C9orf85: variants seen among roughly 807,000 people sequenced by gnomAD.
C9orf85 encodes uncharacterized protein C9orf85.
A neutral mutation model predicts 14.9 loss-of-function variants in C9orf85; 16 were observed. That is an observed-to-expected ratio of 1.08 (90% confidence interval 0.73 to 1.63). The LOEUF (loss-of-function observed/expected upper bound fraction) is 1.63, where lower values mean the gene tolerates loss of function less well. C9orf85 is among the 40% of genes most tolerant of loss of function. The pLI, the probability that C9orf85 is intolerant of heterozygous loss-of-function variation, is 0.00. For synonymous variants in C9orf85, 45 were observed against 56.8 expected (o/e 0.79, Z 0.93); for missense variants, 172 against 186.1 (o/e 0.92, Z 0.44).
rs1053781771 is a variant in C9orf85 at position 71,918,550 on chromosome 9, C to T, written c.102+6714C>T. ...ACTGGGCCACACAGCAGGAGTTGAACTGCAGGTGAGTGAGTTAAGCTTCAT... is the reference window on the plus strand; with the variant it reads ...ACTGGGCCACACAGCAGGAGTTGAATTGCAGGTGAGTGAGTTAAGCTTCAT... On this transcript the variant is annotated intron_variant, in intron 1 of 3. Transcript: ENST00000334731. 10 of 682,196 alleles carry T rather than the reference C, an allele frequency of 1.5e-5. No homozygotes were observed. The Admixed American group carries it at 3.0e-4, about 21-fold the overall frequency. 42.3% of individuals were successfully genotyped at this position (682,196 alleles called of 1,614,324 possible). A position where few individuals can be genotyped will look rare whatever the true frequency, so the allele number is the denominator to read the frequency against.
At chr9:71,982,897 G>C in exon 4 of C9orf85, 1 of 251,750 alleles carries the variant, frequency 4.0e-6, no homozygotes, top group Non-Finnish European at 7.8e-6. Flanking sequence ...ACCTCCCAAA[G>C]TGCTGGAATT....
chr9:71,933,497 TG>T (rs1402830167), intron 1 of C9orf85, among the ~76,000 whole-genome samples: 2 of 152,234 alleles, frequency 1.3e-5, no homozygotes, highest in African/African-American at 4.8e-5. Flanking sequence ...ATGCACAATT[TG>T]TTTTTTCTAA....
At chr9:71,977,363 C>G (rs1368130369), downstream of C9orf85, among the ~76,000 whole-genome samples, 1 of 151,050 alleles carries the variant, frequency 6.6e-6, no homozygotes, top group Non-Finnish European at 1.5e-5. Context: ...CACTTACGTG[C>G]TATGGCAAAA....
chr9:71,941,195 A>T (rs144244961), intron 1 of C9orf85, among the ~76,000 whole-genome samples: 14 of 152,368 alleles, frequency 9.2e-5, no homozygotes, highest in Admixed American at 8.5e-4. Context: ...AGCATTCTTC[A>T]TCACTTAGTA....
chr9:71,969,853 A>C (rs1481036151), intron 2 of C9orf85, among the ~76,000 whole-genome samples: 1 of 151,938 alleles, frequency 6.6e-6, no homozygotes, highest in African/African-American at 2.4e-5. Context: ...TTATTTTCTA[A>C]ATATTTGAGC....
Position 71,947,223 on chromosome 9 carries a change from A to C in C9orf85, c.209+111A>C, listed in dbSNP as rs570994407. ...AAATAAATGTTAAAGTAAATGATGA[A>C]AAAATTCCATTCTCCCCTGTAGAAT... On this transcript the variant is annotated intron_variant, in intron 2 of 3. Coordinates refer to ENST00000334731, the MANE Select transcript of C9orf85 (RefSeq NM_182505.5). The C allele has an allele frequency of 3.2e-4, 221 of 701,090 alleles. No individual in the cohort carries two copies. In the African/African-American group the frequency reaches 3.6e-3, roughly 12 times the overall value. The allele number at this position is 701,090 out of a possible 1,614,324, so 43.4% of individuals were successfully genotyped here.
chr9:71,921,591 C>T (rs1217430073), intron 1 of C9orf85, among the ~76,000 whole-genome samples: 1 of 152,166 alleles, frequency 6.6e-6, no homozygotes, highest in Admixed American at 6.6e-5. Flanking sequence ...CTAAAATGTA[C>T]AAAACCAAAC....
chr9:71,939,587 TTTG>T (rs1253883971), intron 1 of C9orf85, among the ~76,000 whole-genome samples: 10 of 152,198 alleles, frequency 6.6e-5, no homozygotes, highest in Non-Finnish European at 1.3e-4. Flanking sequence ...AGCAGGGTTT[TTTG>T]TTGTTGTTGA....
Position 71,972,761 on chromosome 9 carries a change from C to T in C9orf85, c.393C>T (p.Cys131=), listed in dbSNP as rs758945689. 2 of 1,609,096 alleles carry T rather than the reference C, an allele frequency of 1.2e-6. No individual in the cohort carries two copies. The highest frequency in any genetic ancestry group is 1.3e-5 in the African/African-American group (1 of 74,860). The change falls in exon 4 of 4, where the codon TGC becomes TGT. Residue 131 remains cysteine (C), a synonymous_variant. Transcript: ENST00000334731. ...NNLSSNHRRS[C]RRNEESDDDL... is the part of the protein sequence containing the mutation. ...TAAGTTCCAACCATAGAAGAAGCTG[C>T]AGAAGAAATGAAGAAAGTGATGATG...
At position 71,946,907 on chromosome 9, in the gene C9orf85, G is replaced by T; in HGVS notation, c.103-99G>T. 5.8e-6 allele frequency: 4 copies of T among 684,130 alleles called. No homozygotes were observed. The East Asian group carries it at 1.1e-4, about 19-fold the overall frequency. 42.4% of individuals were successfully genotyped at this position (684,130 alleles called of 1,614,324 possible). ...AAATTGTTATGCAGATTAAGGTTCA[G>T]TTATATTTTAAAACTTACATCTCAT... On this transcript the variant is annotated intron_variant, in intron 1 of 3. Coordinates refer to ENST00000334731, the MANE Select transcript of C9orf85 (RefSeq NM_182505.5).
chr9:71,925,581 G>A (rs1353945131), intron 1 of C9orf85, among the ~76,000 whole-genome samples: 3 of 152,154 alleles, frequency 2.0e-5, no homozygotes, highest in African/African-American at 7.2e-5. Flanking sequence ...AGGAGACGGT[G>A]GACTCCGTTG....
At chr9:71,967,354 G>C (rs1822721955) in intron 2 of C9orf85, among the ~76,000 whole-genome samples, 1 of 152,008 alleles carries the variant, frequency 6.6e-6, no homozygotes, top group Non-Finnish European at 1.5e-5. Context: ...TCTGTTTCTG[G>C]TCTTTATTCC....
chr9:71,963,809 C>G (rs1018636945), intron 2 of C9orf85, among the ~76,000 whole-genome samples: 1 of 152,226 alleles, frequency 6.6e-6, no homozygotes, highest in East Asian at 1.9e-4. Context: ...GTCCGCCATG[C>G]CTGGGCCTCC....
At chr9:71,941,161 TATAGAA>T (rs1821920049) in intron 1 of C9orf85, among the ~76,000 whole-genome samples, 1 of 152,180 alleles carries the variant, frequency 6.6e-6, no homozygotes, top group South Asian at 2.1e-4. Context: ...AAAAAATTAA[TATAGAA>T]AGAAAAGAAT....
chr9:71,937,463 T>C (rs1359131371), intron 1 of C9orf85, among the ~76,000 whole-genome samples: 2 of 152,224 alleles, frequency 1.3e-5, no homozygotes, highest in Non-Finnish European at 2.9e-5. Context: ...TATTCAGTCT[T>C]TGGATAAAAA....
At chr9:71,980,386 C>G (rs1466926219) in intron 3 of C9orf85, among the ~76,000 whole-genome samples, 3 of 151,914 alleles carry the variant, frequency 2.0e-5, no homozygotes, top group Non-Finnish European at 4.4e-5. Context: ...AACATGGGAA[C>G]AATGACCTAA....
intron 2 of C9orf85, among the ~76,000 whole-genome samples, chr9:71,955,114 G>A (rs572347790): frequency 3.9e-5 from 6 of 152,180 alleles, no homozygotes; most frequent in African/African-American, 1.4e-4. Flanking sequence ...ACAAATTAGT[G>A]GACAGAGAGA....
Position 71,970,215 on chromosome 9 carries a change from T to C in C9orf85, c.210-1290T>C, listed in dbSNP as rs188732835. On this transcript the variant is annotated intron_variant, in intron 2 of 3. Transcript: ENST00000334731. ...CACCCACCTCGCCCTCCCAAAGTGC[T>C]GGGATTATAGGCGTGAGCCACGGCA... Among the ~76,000 whole-genome samples the C allele has an allele frequency of 3.7e-3, 560 of 152,310 alleles. 3 individuals carry two copies. The highest frequency in any genetic ancestry group is 0.013 in the African/African-American group (520 of 41,568).
chr9:71,980,409 G>T (rs143370466), intron 3 of C9orf85, among the ~76,000 whole-genome samples: 2 of 152,198 alleles, frequency 1.3e-5, no homozygotes, highest in Non-Finnish European at 2.9e-5. Flanking sequence ...AACTGAAAAA[G>T]GAAATGAATT....
Sources: gnomAD v4.1 joint callset for allele counts (sites outside exome capture counted in the v4.1 genomes callset) on GRCh38, gnomAD v4.1.1 for gene constraint, MANE v1.5 for transcripts, NCBI Gene and HGNC (gene_info 2026-07-23, HGNC 2026-07-21) for gene names.